Variants in PTPN13 observed in about 807,000 individuals in gnomAD.
PTPN13 encodes the protein tyrosine-protein phosphatase non-receptor type 13.
A neutral mutation model predicts 284.0 loss-of-function variants in PTPN13; 191 were observed. The ratio of observed to expected loss-of-function variants is 0.67; its 90% CI spans 0.60 to 0.76. PTPN13 has a LOEUF of 0.76. Among genes scored for constraint, PTPN13 ranks in the 30% least tolerant of loss-of-function variants. The pLI is 0.00. For missense variants in PTPN13, 2,797 were observed against 2,939.9 expected (o/e 0.95, Z 1.12); for synonymous variants, 986 against 1,022.3 (o/e 0.96, Z 0.68).
chr4:86,785,507 A>G, intron 39 of PTPN13, 139 bp downstream of exon 39: 1 of 785,720 alleles, frequency 1.3e-6, no homozygotes, highest in Non-Finnish European at 1.9e-6. Flanking sequence ...ACAAAACAGA[A>G]TTTGTTATCT....
At chr4:86,755,946 C>T (rs1737913090) in intron 20 of PTPN13, among the ~76,000 whole-genome samples, 1 of 151,844 alleles carries the variant, frequency 6.6e-6, no homozygotes, top group African/African-American at 2.4e-5. Context: ...CATTAGTCTC[C>T]TCAAGCCATT....
chr4:86,695,515 C>CAG (rs148617731), intron 6 of PTPN13, among the ~76,000 whole-genome samples: 7,563 of 152,026 alleles, frequency 0.05, 258 homozygotes, highest in African/African-American at 0.072. Flanking sequence ...CGAATAATAA[C>CAG]AAACTTATAG....
chr4:86,621,731 G>C (rs1386232677), intron 1 of PTPN13, among the ~76,000 whole-genome samples: 1 of 152,110 alleles, frequency 6.6e-6, no homozygotes, highest in Non-Finnish European at 1.5e-5. Context: ...AGCTGGTCCA[G>C]AGTTTGTCAT....
Position 86,807,672 on chromosome 4 carries a change from G to A in PTPN13, c.6858G>A (p.Leu2286=), listed in dbSNP as rs1420470331. ...EFVYIACQGP[L]PTTVGDFWQM... is the part of the protein sequence containing the mutation. ...TTTACATTGCCTGCCAAGGACCACT[G>A]CCTACAACTGTTGGAGACTTCTGGC... The change falls in exon 45 of 48, where the codon CTG becomes CTA. Residue 2286 remains leucine, a synonymous_variant. Coordinates refer to ENST00000411767, the MANE Select transcript of PTPN13 (RefSeq NM_080683.3). The A allele has an allele frequency of 6.2e-7, 1 of 1,613,872 alleles. No homozygotes were observed. Among genetic ancestry groups the A allele is most frequent in the African/African-American group, 1.3e-5 (1 of 74,906 alleles).
intron 1 of PTPN13, among the ~76,000 whole-genome samples, chr4:86,633,542 G>A (rs1722692654): frequency 6.6e-6 from 1 of 152,142 alleles, no homozygotes; most frequent in South Asian, 2.1e-4. Context: ...ATGAAAATCA[G>A]CACACAACTC....
intron 3 of PTPN13, among the ~76,000 whole-genome samples, chr4:86,677,974 C>T (rs1215686414): frequency 6.6e-6 from 1 of 152,128 alleles, no homozygotes; most frequent in African/African-American, 2.4e-5. Context: ...GGGCCATTTG[C>T]AGTTGGTGGG....
chr4:86,609,671 T>G (rs577879862), intron 1 of PTPN13, among the ~76,000 whole-genome samples: 1 of 152,354 alleles, frequency 6.6e-6, no homozygotes, highest in South Asian at 2.1e-4. Context: ...ATTACCTCAT[T>G]AGTCAAACAT....
intron 2 of PTPN13, among the ~76,000 whole-genome samples, chr4:86,667,914 T>A (rs1381736958): frequency 1.3e-5 from 2 of 152,116 alleles, no homozygotes; most frequent in South Asian, 4.1e-4. Context: ...TTTAATAGTA[T>A]GTGTGGAAGA....
chr4:86,636,472 T>C (rs902871602), intron 2 of PTPN13, among the ~76,000 whole-genome samples: 1 of 152,154 alleles, frequency 6.6e-6, no homozygotes, highest in African/African-American at 2.4e-5. Flanking sequence ...GTCTCTAAAA[T>C]TGATTTGAAT....
At chr4:86,769,013 T>C (rs1212123191) in intron 28 of PTPN13, among the ~76,000 whole-genome samples, 1 of 152,004 alleles carries the variant, frequency 6.6e-6, no homozygotes, top group Non-Finnish European at 1.5e-5. Flanking sequence ...CCCAGCCCCA[T>C]CATTCTTTCT....
intron 6 of PTPN13, among the ~76,000 whole-genome samples, chr4:86,696,414 T>G (rs1303270257): frequency 2.0e-5 from 3 of 152,014 alleles, no homozygotes; most frequent in Non-Finnish European, 4.4e-5. Context: ...TTATTTAGCC[T>G]ATGTTAAACA....
In PTPN13 at chr4:86,778,041, C is replaced by T. The variant is rs571767049; in HGVS notation, c.5892-2361C>T. On this transcript the variant is annotated intron_variant, in intron 35 of 47. Transcript: ENST00000411767. ...GTCTTTCTGCTTTTATCTTAGCTGTCGTCACCAAAAATACAGTCATGGTAG... is the reference window on the plus strand; with the variant it reads ...GTCTTTCTGCTTTTATCTTAGCTGTTGTCACCAAAAATACAGTCATGGTAG... Among the ~76,000 whole-genome samples the T allele has an allele frequency of 2.0e-4, 30 of 152,246 alleles. 1 individual carries two copies. In the South Asian group the frequency reaches 6.0e-3, roughly 31 times the overall value.
At chr4:86,670,636 C>G (rs1278476870) in intron 2 of PTPN13, among the ~76,000 whole-genome samples, 1 of 152,142 alleles carries the variant, frequency 6.6e-6, no homozygotes, top group African/African-American at 2.4e-5. Context: ...CGTTGTCTTC[C>G]TAATTGGTCT....
chr4:86,636,821 T>C (rs1231224930), intron 2 of PTPN13, among the ~76,000 whole-genome samples: 1 of 151,646 alleles, frequency 6.6e-6, no homozygotes, highest in Non-Finnish European at 1.5e-5. Flanking sequence ...AAGAAATAAC[T>C]AAAATCAGAG....
Position 86,811,127 on chromosome 4 carries a change from T to A in PTPN13, c.7362+19T>A, listed in dbSNP as rs771702430. The A allele has an allele frequency of 1.3e-6, 2 of 1,597,444 alleles. No homozygotes were observed. The highest frequency in any genetic ancestry group is 2.3e-5 in the South Asian group (2 of 88,556). On this transcript the variant is annotated intron_variant, in intron 47 of 47. Transcript: ENST00000411767. ...GACAGAGGTGAGTCATGGCTGGGCC[T>A]CCTAATGAGAATTTTTGTAAAGATT...
Position 86,799,135 on chromosome 4 carries a change from G to A in PTPN13, c.6436G>A (p.Asp2146Asn). The A allele has an allele frequency of 1.9e-6, 3 of 1,593,272 alleles. No individual in the cohort carries two copies. Among genetic ancestry groups the A allele is most frequent in the Non-Finnish European group, 2.6e-6 (3 of 1,171,016 alleles). ...GAAGCCACAAGAAAAGAAGACTGAT[G>A]ATGATGAAATAACATGGGGAAATGA... is the stretch of plus-strand genomic sequence containing the variant. ...IQKPQEKKTD[D>N]DEITWGNDEL... Residue 2146 changes from aspartate to asparagine, a missense_variant, in exon 42 of 48, where the codon GAT becomes AAT. Coordinates refer to ENST00000411767, the MANE Select transcript of PTPN13 (RefSeq NM_080683.3).
chr4:86,686,854 T>A, intron 4 of PTPN13, 79 bp downstream of exon 4: 4 of 967,160 alleles, frequency 4.1e-6, no homozygotes, highest in Non-Finnish European at 6.3e-6. Context: ...TTCCACACGT[T>A]TATACGTGTT....
At chr4:86,732,346 G>GA (rs1735032675) in intron 10 of PTPN13, 54 bp from the exon 11 acceptor site, 1 of 1,362,906 alleles carries the variant, frequency 7.3e-7, no homozygotes, top group Non-Finnish European at 1.0e-6. Flanking sequence ...TCCTTTCAAG[G>GA]AAAAAACTAG....
chr4:86,709,862 A>G (rs371469822), intron 7 of PTPN13, among the ~76,000 whole-genome samples: 1 of 139,860 alleles, frequency 7.2e-6, no homozygotes, highest in African/African-American at 2.6e-5. Flanking sequence ...TTTTAGATCT[A>G]TAGAGTGACT....
Sources: gnomAD v4.1 joint callset for allele counts (sites outside exome capture counted in the v4.1 genomes callset) on GRCh38, gnomAD v4.1.1 for gene constraint, MANE v1.5 for transcripts, NCBI Gene and HGNC (gene_info 2026-07-23, HGNC 2026-07-21) for gene names.